The following IMMP2L variants were observed in gnomAD, a reference collection of about 807,000 sequenced individuals.
IMMP2L encodes the protein inner mitochondrial membrane peptidase subunit 2.
Under a neutral mutation model 19.3 loss-of-function variants are expected in IMMP2L, and 18 were observed. That is an observed-to-expected ratio of 0.93 (90% CI 0.64 to 1.38). The LOEUF is 1.38. Among genes scored for constraint, IMMP2L ranks in the 40% most tolerant of loss-of-function variants. The probability of loss-of-function intolerance (pLI) is 0.00; values close to 1 mark genes in which losing one functional copy is unlikely to be tolerated. For missense variants in IMMP2L, 233 were observed against 218.2 expected (o/e 1.07, Z -0.43); for synonymous variants, 76 against 73.0 (o/e 1.04, Z -0.21).
intron 5 of IMMP2L, among the ~76,000 whole-genome samples, chr7:110,752,229 T>C (rs1355552842): frequency 2.0e-5 from 3 of 152,026 alleles, no homozygotes; most frequent in African/African-American, 4.8e-5. Context: ...TAATCTCTTC[T>C]GGTTCAGTCT....
chr7:110,835,546 C>T (rs980341910), intron 5 of IMMP2L, among the ~76,000 whole-genome samples: 17 of 152,196 alleles, frequency 1.1e-4, no homozygotes, highest in African/African-American at 4.1e-4. Flanking sequence ...GTAGCAAAGC[C>T]AGGACAATTA....
chr7:111,446,504 T>C (rs1838442879), intron 3 of IMMP2L, among the ~76,000 whole-genome samples: 1 of 150,040 alleles, frequency 6.7e-6, no homozygotes, highest in Non-Finnish European at 1.5e-5. Context: ...GTCCTGTCTG[T>C]TAGAAGAAAA....
At chr7:110,996,391 T>C (rs1025463822) in intron 3 of IMMP2L, among the ~76,000 whole-genome samples, 15 of 151,904 alleles carry the variant, frequency 9.9e-5, no homozygotes, top group African/African-American at 2.4e-4. Flanking sequence ...GGGGTTGGCA[T>C]AAAAGGAAGC....
intron 5 of IMMP2L, among the ~76,000 whole-genome samples, chr7:110,695,553 A>T (rs1793822160): frequency 6.6e-6 from 1 of 152,164 alleles, no homozygotes. Context: ...CAATAATGAG[A>T]ATAATAAAGA....
intron 3 of IMMP2L, among the ~76,000 whole-genome samples, chr7:110,979,678 T>A: frequency 6.7e-6 from 1 of 150,122 alleles, no homozygotes. Flanking sequence ...AAGGCAGGGT[T>A]TAAACTTAAA....
intron 3 of IMMP2L, among the ~76,000 whole-genome samples, chr7:111,009,332 A>T (rs937538503): frequency 1.3e-5 from 2 of 152,076 alleles, no homozygotes; most frequent in Non-Finnish European, 2.9e-5. Context: ...TAGTAAGCCA[A>T]ATTAATTGTG....
At chr7:111,156,517 T>C (rs557571829) in intron 3 of IMMP2L, among the ~76,000 whole-genome samples, 2 of 152,294 alleles carry the variant, frequency 1.3e-5, no homozygotes, top group South Asian at 4.1e-4. Flanking sequence ...TCCTGTTGAA[T>C]ATTTAATTGG....
chr7:111,427,826 GT>G (rs1836236572), intron 3 of IMMP2L, among the ~76,000 whole-genome samples: 1 of 151,800 alleles, frequency 6.6e-6, no homozygotes, highest in African/African-American at 2.4e-5. Flanking sequence ...CATCTTTAAT[GT>G]CATTAAGAGC....
At chr7:110,995,306 T>C (rs1160922329) in intron 3 of IMMP2L, among the ~76,000 whole-genome samples, 6 of 152,292 alleles carry the variant, frequency 3.9e-5, no homozygotes, top group African/African-American at 1.4e-4. Context: ...AAAGTTATAA[T>C]GATTTCTGTA....
In IMMP2L at chr7:110,886,603, G is replaced by T. The variant is rs375048435; in HGVS notation, c.398C>A (p.Ser133Tyr). The stretch of plus-strand genomic sequence containing the variant: ...TAAAAGATGACTTACCGGCCCAAAA[G>T]AATTACTGTCAAAACTGTGTCCATG... ...DHHGHSFDSN[S>Y]FGPVSLGLLH... The change falls in exon 5 of 6, where the codon TCT (serine) becomes TAT (tyrosine). Residue 133 changes from serine (S) to tyrosine (Y), a missense_variant. Ser to Tyr is a moderately radical substitution (Grantham distance 144). Coordinates refer to ENST00000405709, the MANE Select transcript of IMMP2L (RefSeq NM_032549.4). 2.8e-5 allele frequency: 45 copies of T among 1,588,862 alleles called. 1 individual carries two copies. Among genetic ancestry groups the T allele is most frequent in the African/African-American group, 4.0e-5 (3 of 74,368 alleles).
chr7:111,305,204 T>C (rs766520374), intron 3 of IMMP2L, among the ~76,000 whole-genome samples: 3 of 151,306 alleles, frequency 2.0e-5, no homozygotes, highest in Non-Finnish European at 2.9e-5. Flanking sequence ...ACGAGCAGAG[T>C]TGGAGAGAGG....
intron 3 of IMMP2L, among the ~76,000 whole-genome samples, chr7:111,212,975 G>A (rs1811492547): frequency 6.6e-6 from 1 of 152,188 alleles, no homozygotes; most frequent in South Asian, 2.1e-4. Context: ...CAGCTTCAGT[G>A]GAGGATGTGT....
At chr7:111,505,167 ATG>A (rs1342467016) in intron 2 of IMMP2L, among the ~76,000 whole-genome samples, 116 of 152,144 alleles carry the variant, frequency 7.6e-4, no homozygotes, top group Admixed American at 4.2e-3. Context: ...GGCAAAGGAT[ATG>A]AACAGACACT....
chr7:111,263,595 T>C lies in IMMP2L; in HGVS notation c.239+223643A>G, dbSNP rs534594877. Among the ~76,000 whole-genome samples, 41 of 152,200 alleles carry C rather than the reference T, an allele frequency of 2.7e-4. No homozygotes were observed. The South Asian group carries it at 8.5e-3, about 32-fold the overall frequency. On this transcript the variant is annotated intron_variant, in intron 3 of 5. Transcript: ENST00000405709. The stretch of plus-strand genomic sequence containing the variant: ...GGATATATAGGAAAGAAGTCTGGGA[T>C]AGACAGATAAATTTGGGAGTCATCA...
chr7:111,012,545 T>C (rs928124004), intron 3 of IMMP2L, among the ~76,000 whole-genome samples: 1 of 152,174 alleles, frequency 6.6e-6, no homozygotes. Context: ...ACATAGTTGA[T>C]AAAGACACAA....
intron 3 of IMMP2L, among the ~76,000 whole-genome samples, chr7:111,058,219 T>C (rs1341927359): frequency 6.6e-6 from 1 of 152,194 alleles, no homozygotes; most frequent in Non-Finnish European, 1.5e-5. Flanking sequence ...ACTCAGGCTG[T>C]CATCCCACTC....
intron 3 of IMMP2L, among the ~76,000 whole-genome samples, chr7:111,220,685 T>C (rs986941534): frequency 6.6e-6 from 1 of 151,758 alleles, no homozygotes; most frequent in Non-Finnish European, 1.5e-5. Context: ...ATATATTTAC[T>C]GTAAGGTATA....
At chr7:111,447,582 G>A (rs1398136478) in intron 3 of IMMP2L, among the ~76,000 whole-genome samples, 4 of 149,174 alleles carry the variant, frequency 2.7e-5, no homozygotes, top group African/African-American at 7.5e-5. Context: ...AGGAACAACC[G>A]GTACCAGCCG....
At chr7:111,263,683 A>G (rs1421956351) in intron 3 of IMMP2L, among the ~76,000 whole-genome samples, 1 of 152,160 alleles carries the variant, frequency 6.6e-6, no homozygotes, top group African/African-American at 2.4e-5. Flanking sequence ...CACTGTTACT[A>G]GGGAAGAGGT....
Sources: gnomAD v4.1 joint callset for allele counts (sites outside exome capture counted in the v4.1 genomes callset) on GRCh38, gnomAD v4.1.1 for gene constraint, MANE v1.5 for transcripts, NCBI Gene and HGNC (gene_info 2026-07-23, HGNC 2026-07-21) for gene names.